Variants in KDM4C observed in about 807,000 individuals in gnomAD.
KDM4C encodes lysine demethylase 4C.
KDM4C carries 81 observed loss-of-function variants against 129.3 expected under a neutral mutation model. That is an observed-to-expected ratio of 0.63 (90% CI 0.52 to 0.75). The LOEUF (loss-of-function observed/expected upper bound fraction) is 0.75, where lower values mean the gene tolerates loss of function less well. KDM4C is among the 30% of genes least tolerant of loss of function. The pLI is 0.00. For synonymous variants in KDM4C, 573 were observed against 456.1 expected, an observed-to-expected ratio of 1.26 and a Z score of -3.26; for missense variants, 1,457 against 1,304.0, an observed-to-expected ratio of 1.12 and a Z score of -1.81.
At chr9:6,984,049 AT>A in intron 9 of KDM4C, 116 bp from the exon 10 acceptor site, 1 of 663,972 alleles carries the variant, frequency 1.5e-6, no homozygotes, top group Admixed American at 2.5e-5. Flanking sequence ...TGGCATAGTG[AT>A]TAACAATGTC....
chr9:6,736,318 A>G (rs1309707267), intron 1 of KDM4C, among the ~76,000 whole-genome samples: 1 of 152,190 alleles, frequency 6.6e-6, no homozygotes, highest in Non-Finnish European at 1.5e-5. Context: ...CTGAATGTTA[A>G]TCCCCAAGAC....
intron 8 of KDM4C, among the ~76,000 whole-genome samples, chr9:6,922,392 C>T (rs1486276067): frequency 1.3e-5 from 2 of 148,716 alleles, no homozygotes; most frequent in African/African-American, 5.2e-5. Context: ...ATTACATTTA[C>T]TGTTTTTTTC....
chr9:6,862,031 C>G (rs1171639615), intron 5 of KDM4C, among the ~76,000 whole-genome samples: 1 of 152,066 alleles, frequency 6.6e-6, no homozygotes, highest in Non-Finnish European at 1.5e-5. Context: ...TTTGGCCTCC[C>G]AAAGTGCTGG....
rs116300727 is a variant in KDM4C, at chr9:7,126,930, G to C, written c.2611-1136G>C. 5.0e-3 allele frequency among the ~76,000 whole-genome samples: 763 copies of C among 152,238 alleles called. 6 individuals are homozygous for C. Among genetic ancestry groups the C allele is most frequent in the African/African-American group, 0.018 (737 of 41,538 alleles). On this transcript the variant is annotated intron_variant, in intron 18 of 21. Coordinates refer to ENST00000381309, the MANE Select transcript of KDM4C (RefSeq NM_015061.6). ...AAGGGGCTCTTATTGGTCAAATCTG[G>C]GACAGTTTGAACACCAAAATAATAA...
At chr9:6,732,723 C>T (rs1369463039) in intron 1 of KDM4C, among the ~76,000 whole-genome samples, 1 of 151,798 alleles carries the variant, frequency 6.6e-6, no homozygotes, top group African/African-American at 2.4e-5. Flanking sequence ...AAAGTACCAC[C>T]ACGTGGTGGC....
At chr9:7,141,257 C>T (rs899405110) in intron 19 of KDM4C, among the ~76,000 whole-genome samples, 1 of 152,202 alleles carries the variant, frequency 6.6e-6, no homozygotes, top group African/African-American at 2.4e-5. Context: ...ACCCCTTTCT[C>T]ATCCCTCTTT....
At chr9:6,877,289 C>A (rs951096533) in intron 5 of KDM4C, among the ~76,000 whole-genome samples, 3 of 152,218 alleles carry the variant, frequency 2.0e-5, no homozygotes, top group Non-Finnish European at 4.4e-5. Context: ...CAAGCTCCAC[C>A]TCCTGGCTTC....
chr9:7,049,258 T>G, intron 17 of KDM4C, 58 bp downstream of exon 17: 2 of 935,372 alleles, frequency 2.1e-6, no homozygotes, highest in Non-Finnish European at 3.4e-6. Flanking sequence ...AAGTTCTGAA[T>G]TTTTCCATTA....
At chr9:6,749,585 T>G (rs899430512) in intron 1 of KDM4C, among the ~76,000 whole-genome samples, 2 of 152,002 alleles carry the variant, frequency 1.3e-5, no homozygotes, top group African/African-American at 4.8e-5. Context: ...GGAGGATTGC[T>G]TGAGCCCAGT....
intron 8 of KDM4C, among the ~76,000 whole-genome samples, chr9:6,918,323 G>C (rs568007082): frequency 6.6e-6 from 1 of 152,300 alleles, no homozygotes; most frequent in East Asian, 1.9e-4. Flanking sequence ...GCCTCCACCT[G>C]CATCTGTGTT....
chr9:6,901,914 C>T (rs1228209881), intron 8 of KDM4C, among the ~76,000 whole-genome samples: 4 of 152,164 alleles, frequency 2.6e-5, no homozygotes, highest in Non-Finnish European at 5.9e-5. Context: ...CTCTGTGGAA[C>T]ATTATAAGTA....
chr9:6,829,764 C>T (rs901235324), intron 4 of KDM4C, among the ~76,000 whole-genome samples: 3 of 152,202 alleles, frequency 2.0e-5, no homozygotes, highest in Non-Finnish European at 2.9e-5. Context: ...GGGCATTTCC[C>T]CTGCAACCCA....
upstream of KDM4C, chr9:6,757,954 C>G (rs555500586): frequency 4.1e-6 from 4 of 985,396 alleles, no homozygotes; most frequent in South Asian, 1.4e-4. Flanking sequence ...CGTGACGGCG[C>G]GCGCGCCCTC....
rs748413840 is a variant in KDM4C, at chr9:7,088,405, T to C, written c.2425-15280T>C. Among the ~76,000 whole-genome samples, 5 of 152,240 alleles carry C rather than the reference T, an allele frequency of 3.3e-5. No individual in the cohort carries two copies. In the South Asian group the frequency reaches 1.0e-3, roughly 32 times the overall value. On this transcript the variant is annotated intron_variant, in intron 17 of 21. Transcript: ENST00000381309. ...TCCTTTAAGAAATTACAGTTCTTTATTACATTTTTCTATACTAGTATTGAC... is the reference window on the plus strand; with the variant it reads ...TCCTTTAAGAAATTACAGTTCTTTACTACATTTTTCTATACTAGTATTGAC...
chr9:6,801,832 C>G (rs373464674), intron 2 of KDM4C, among the ~76,000 whole-genome samples: 1 of 151,978 alleles, frequency 6.6e-6, no homozygotes, highest in African/African-American at 2.4e-5. Flanking sequence ...GAGCTGGGCG[C>G]GGTGGCTCAT....
intron 18 of KDM4C, among the ~76,000 whole-genome samples, chr9:7,108,049 A>G (rs1837896899): frequency 6.6e-6 from 1 of 152,170 alleles, no homozygotes. Context: ...CACCTTATTC[A>G]GAGCAGTGTT....
intron 8 of KDM4C, among the ~76,000 whole-genome samples, chr9:6,903,358 CT>C (rs943927458): frequency 6.6e-6 from 1 of 151,978 alleles, no homozygotes; most frequent in Non-Finnish European, 1.5e-5. Flanking sequence ...GATTTCTTTT[CT>C]TTTTTTAAAT....
In KDM4C at chr9:6,774,076, C is replaced by T. The variant is rs376869623; in HGVS notation, c.-18+15873C>T. ...TTAATTTTTGTACTTTTAGTAGAGA[C>T]GGGGTTTCACCATACTGGTCAGGCT... On this transcript the variant is annotated intron_variant, in intron 1 of 21. Transcript: ENST00000381309. 5.3e-5 allele frequency among the ~76,000 whole-genome samples: 8 copies of T among 151,956 alleles called. No individual in the cohort carries two copies. The East Asian group carries it at 5.8e-4, about 11-fold the overall frequency.
intron 11 of KDM4C, among the ~76,000 whole-genome samples, chr9:6,988,018 A>C (rs767346563): frequency 4.6e-5 from 7 of 151,662 alleles, no homozygotes; most frequent in Non-Finnish European, 1.0e-4. Flanking sequence ...AAAAAAATTT[A>C]GTGGTGTGTG....
Sources: gnomAD v4.1 joint callset for allele counts (sites outside exome capture counted in the v4.1 genomes callset) on GRCh38, gnomAD v4.1.1 for gene constraint, MANE v1.5 for transcripts, NCBI Gene and HGNC (gene_info 2026-07-23, HGNC 2026-07-21) for gene names.